ARSG: variants seen among roughly 807,000 people sequenced by gnomAD.
ARSG encodes the protein ASG.
A neutral mutation model predicts 50.5 loss-of-function variants in ARSG; 37 were observed. The observed-to-expected ratio is 0.73, with a 90% CI of 0.56 to 0.96. ARSG has a LOEUF of 0.96. Ranked by LOEUF, ARSG falls within the 50% of genes least tolerant of loss-of-function variation. The pLI is 0.00. For synonymous variants in ARSG, 225 were observed against 254.6 expected, an observed-to-expected ratio of 0.88 and a Z score of 1.11; for missense variants, 629 against 675.3, an observed-to-expected ratio of 0.93 and a Z score of 0.76.
the ARSG span, chr17:68,451,014 G>T: frequency 7.3e-7 from 1 of 1,375,022 alleles, no homozygotes; most frequent in Non-Finnish European, 9.7e-7. Flanking sequence ...GGGTCTTGCC[G>T]GCCAGGCGCC....
At position 68,278,167 on chromosome 17, in the gene ARSG, A is replaced by G. The variant is rs1302904003; in HGVS notation, c.-552+18741A>G. On this transcript the variant is annotated intron_variant, in intron 1 of 11. Coordinates refer to the ARSG transcript ENST00000448504. ...TTGGATTCATTAAAACTGTCCATTA[A>G]GTCATTAAAGAAGACACCAAATGTC... 1.9e-6 allele frequency: 3 copies of G among 1,614,052 alleles called. No homozygotes were observed. The African/African-American group carries it at 4.0e-5, about 22-fold the overall frequency.
At chr17:68,336,759 A>G (rs2078041808) in intron 2 of ARSG, among the ~76,000 whole-genome samples, 1 of 152,158 alleles carries the variant, frequency 6.6e-6, no homozygotes, top group Non-Finnish European at 1.5e-5. Flanking sequence ...AGGCTGAGGT[A>G]GGATAATCAC....
chr17:68,357,518 C>T (rs778867505), intron 6 of ARSG, among the ~76,000 whole-genome samples: 6 of 152,234 alleles, frequency 3.9e-5, no homozygotes, highest in Non-Finnish European at 5.9e-5. Flanking sequence ...GATCCCCCTA[C>T]CTCAAGACCC....
At chr17:68,325,067 C>G (rs551287862) in intron 2 of ARSG, among the ~76,000 whole-genome samples, 2 of 152,290 alleles carry the variant, frequency 1.3e-5, no homozygotes, top group South Asian at 4.1e-4. Context: ...CCCCAGGCCA[C>G]TGTACCAGTC....
chr17:68,284,103 C>CA (rs1189737736), intron 1 of ARSG, among the ~76,000 whole-genome samples: 17,079 of 55,838 alleles, frequency 0.31, 2,251 homozygotes, highest in African/African-American at 0.37. Flanking sequence ...GACTCTGTCT[C>CA]AAAAAAAAAA....
rs770292731 is a variant in ARSG, at chr17:68,417,733, A to ATTTTTTTT, written c.1304-2431_1304-2424dup. On this transcript the variant is annotated intron_variant, in intron 11 of 11. Transcript: ENST00000621439. ...CAAAAGACCTAATAAGAGTTGCTGA[A>ATTTTTTTT]TTTTTTTTTTTTTTTTTTTTTTTTT... is the stretch of plus-strand genomic sequence containing the variant. Among the ~76,000 whole-genome samples the ATTTTTTTT allele has an allele frequency of 3.5e-3, 212 of 60,828 alleles. 46 individuals are homozygous for ATTTTTTTT. Among genetic ancestry groups the ATTTTTTTT allele is most frequent in the Admixed American group, 5.5e-3 (18 of 3,258 alleles). 39.9% of individuals were successfully genotyped at this position (60,828 alleles called of 152,430 possible).
chr17:68,301,341 T>C (rs1227029331), intron 1 of ARSG, among the ~76,000 whole-genome samples: 3 of 152,184 alleles, frequency 2.0e-5, no homozygotes, highest in African/African-American at 7.2e-5. Flanking sequence ...TACATGTAGA[T>C]AATAAATAAC....
At chr17:68,424,002 C>T (rs967081720), downstream of ARSG, among the ~76,000 whole-genome samples, 5 of 152,156 alleles carry the variant, frequency 3.3e-5, no homozygotes, top group Middle Eastern at 3.2e-3. Context: ...TTTGTCCCCA[C>T]GGTGTCTGAC....
At chr17:68,384,362 A>T (rs1484319037) in intron 8 of ARSG, among the ~76,000 whole-genome samples, 1 of 152,130 alleles carries the variant, frequency 6.6e-6, no homozygotes, top group Non-Finnish European at 1.5e-5. Context: ...GTCACTTTTG[A>T]CTTAATGGTT....
At chr17:68,379,137 C>A (rs1327307794) in intron 8 of ARSG, among the ~76,000 whole-genome samples, 1 of 152,214 alleles carries the variant, frequency 6.6e-6, no homozygotes, top group African/African-American at 2.4e-5. Flanking sequence ...AGCCGGAGTC[C>A]TGGGTCTGAA....
intron 3 of ARSG, among the ~76,000 whole-genome samples, chr17:68,346,570 C>T (rs2078513930): frequency 1.3e-5 from 2 of 152,098 alleles, no homozygotes; most frequent in South Asian, 4.1e-4. Context: ...CGATTATTCC[C>T]CCAGACTGAG....
At chr17:68,302,016 C>T (rs1389058766) in intron 1 of ARSG, among the ~76,000 whole-genome samples, 1 of 152,156 alleles carries the variant, frequency 6.6e-6, no homozygotes, top group African/African-American at 2.4e-5. Context: ...CATTTCTCCC[C>T]TCACTGTCAA....
rs1227414679 is a variant in ARSG, at chr17:68,297,551, A to G, written c.-552+5983A>G. ...CTTGCTTAACAAACAATTCTGGCAGATTCAGCCAGTAGCTGCAGGGAGTCT... is the reference window on the plus strand; with the variant it reads ...CTTGCTTAACAAACAATTCTGGCAGGTTCAGCCAGTAGCTGCAGGGAGTCT... On this transcript the variant is annotated intron_variant, in intron 1 of 11. Transcript: ENST00000621439. 2.0e-5 allele frequency among the ~76,000 whole-genome samples: 3 copies of G among 152,374 alleles called. No individual in the cohort carries two copies. The East Asian group carries it at 5.8e-4, about 29-fold the overall frequency.
At chr17:68,425,861 T>C (rs1213437226), downstream of ARSG, 1 of 525,470 alleles carries the variant, frequency 1.9e-6, no homozygotes, top group Non-Finnish European at 3.4e-6. Context: ...GTGACTCTAA[T>C]GCCATCAGGG....
intron 11 of ARSG, among the ~76,000 whole-genome samples, chr17:68,404,995 A>G (rs2081642387): frequency 6.6e-6 from 1 of 152,166 alleles, no homozygotes; most frequent in African/African-American, 2.4e-5. Flanking sequence ...TTGATCATAC[A>G]TGTGAGGGAT....
chr17:68,289,155 G>T (rs562162539), upstream of ARSG, among the ~76,000 whole-genome samples: 2 of 152,194 alleles, frequency 1.3e-5, no homozygotes, highest in East Asian at 3.9e-4. Flanking sequence ...AGACCAACCC[G>T]GGCAACATAG....
chr17:68,422,714 G>GGGA (rs2082880816), downstream of ARSG: 1 of 124,398 alleles, frequency 8.0e-6, no homozygotes, highest in Non-Finnish European at 1.6e-5. Context: ...GAGGGACAGA[G>GGGA]TGAGACTCTA....
chr17:68,444,114 A>C, the ARSG span, among the ~76,000 whole-genome samples: 1 of 152,226 alleles, frequency 6.6e-6, no homozygotes, highest in Non-Finnish European at 1.5e-5. Context: ...CCAAGTTGAA[A>C]CCTGCTTCTA....
intron 7 of ARSG, among the ~76,000 whole-genome samples, 192 bp from the exon 8 acceptor site, chr17:68,370,252 T>C (rs977117238): frequency 3.9e-5 from 6 of 152,068 alleles, no homozygotes; most frequent in African/African-American, 1.4e-4. Context: ...TGACCTCAAG[T>C]GATCTGCTTG....
Sources: gnomAD v4.1 joint callset for allele counts (sites outside exome capture counted in the v4.1 genomes callset) on GRCh38, gnomAD v4.1.1 for gene constraint, MANE v1.5 for transcripts, NCBI Gene and HGNC (gene_info 2026-07-23, HGNC 2026-07-21) for gene names.